Variants in ROBO2 observed in about 807,000 individuals in gnomAD.
The protein encoded by ROBO2 is roundabout homolog 2.
In ROBO2, 53 loss-of-function variants were observed where a neutral mutation model predicts 160.8. That is an observed-to-expected ratio of 0.33 (90% CI 0.26 to 0.41). The LOEUF is 0.41. Among genes scored for constraint, ROBO2 ranks in the 10% least tolerant of loss-of-function variants. The pLI is 1.00. For missense variants in ROBO2, 1,577 were observed against 1,722.4 expected (o/e 0.92, Z 1.49); for synonymous variants, 664 against 611.7 (o/e 1.09, Z -1.26).
chr3:77,191,463 A>C (rs534155504), intron 2 of ROBO2, among the ~76,000 whole-genome samples: 1 of 152,240 alleles, frequency 6.6e-6, no homozygotes, highest in South Asian at 2.1e-4. Flanking sequence ...AGGAACTGTG[A>C]TCTCTAGGGA....
chr3:76,990,976 G>A lies in ROBO2; in HGVS notation c.110-107038G>A, dbSNP rs148082737. ...ACGGAAGAATTAGGGGAGAAGGGTA[G>A]CAAGACCCCAGAAGCATGCCAACTT... On this transcript the variant is annotated intron_variant, in intron 2 of 26. Transcript: ENST00000487694. 4.6e-3 allele frequency among the ~76,000 whole-genome samples: 707 copies of A among 152,272 alleles called. 1 individual carries two copies. Among genetic ancestry groups the A allele is most frequent in the Middle Eastern group, 0.01 (3 of 294 alleles).
rs560751670 is a variant in ROBO2 at position 77,523,038 on chromosome 3, A to G, written c.934+136A>G. On this transcript the variant is annotated intron_variant, in intron 6 of 25. Transcript: ENST00000461745. ...AATGCCTAGATTTTGTGTCCTCTCT[A>G]TCATTAGTTGAAATAAAATTACTTT... 10 of 940,548 alleles carry G rather than the reference A, an allele frequency of 1.1e-5. No individual in the cohort carries two copies. The African/African-American group carries it at 1.6e-4, about 15-fold the overall frequency. 58.3% of individuals were successfully genotyped at this position (940,548 alleles called of 1,614,324 possible). A position where few individuals can be genotyped will look rare whatever the true frequency, so the allele number is the denominator to read the frequency against.
intron 2 of ROBO2, among the ~76,000 whole-genome samples, chr3:76,618,759 A>G (rs1168926604): frequency 2.0e-5 from 3 of 151,812 alleles, no homozygotes; most frequent in African/African-American, 4.9e-5. Context: ...ACGGATCCTG[A>G]TAAAAAGTGA....
chr3:76,184,569 A>ATAGG (rs1701654929), intron 2 of ROBO2, among the ~76,000 whole-genome samples: 1 of 147,850 alleles, frequency 6.8e-6, no homozygotes, highest in African/African-American at 2.5e-5. Context: ...AGATAGATAG[A>ATAGG]TAGATAGATA....
At chr3:77,331,398 C>T (rs2065947912) in intron 2 of ROBO2, among the ~76,000 whole-genome samples, 1 of 152,126 alleles carries the variant, frequency 6.6e-6, no homozygotes, top group African/African-American at 2.4e-5. Flanking sequence ...TTTGAGGACA[C>T]TTGCAGTGGG....
At chr3:76,600,961 G>A (rs905160443) in intron 2 of ROBO2, among the ~76,000 whole-genome samples, 7 of 152,124 alleles carry the variant, frequency 4.6e-5, no homozygotes, top group Admixed American at 2.0e-4. Flanking sequence ...GGGGGTTATG[G>A]GCATTGGATA....
chr3:76,053,131 T>C (rs1055488330), intron 2 of ROBO2, among the ~76,000 whole-genome samples: 5 of 152,016 alleles, frequency 3.3e-5, no homozygotes, highest in African/African-American at 1.2e-4. Context: ...ATAACAAAGA[T>C]GTTGACATTG....
chr3:77,319,801 ACCC>A (rs1560524631), intron 2 of ROBO2, among the ~76,000 whole-genome samples: 3 of 152,082 alleles, frequency 2.0e-5, no homozygotes, highest in Non-Finnish European at 4.4e-5. Context: ...GCTTCCATTC[ACCC>A]TTTCATATTT....
intron 2 of ROBO2, among the ~76,000 whole-genome samples, chr3:77,129,727 A>G (rs531265459): frequency 6.6e-6 from 1 of 152,290 alleles, no homozygotes; most frequent in East Asian, 1.9e-4. Context: ...TTTTTGGTGC[A>G]TCTCATCGAT....
At chr3:76,233,267 C>A (rs1408447026) in intron 2 of ROBO2, among the ~76,000 whole-genome samples, 1 of 152,064 alleles carries the variant, frequency 6.6e-6, no homozygotes, top group Non-Finnish European at 1.5e-5. Flanking sequence ...GCCTCACCTC[C>A]CAAGTAGCTG....
chr3:77,487,327 C>T (rs2085489354), intron 4 of ROBO2, among the ~76,000 whole-genome samples: 1 of 152,118 alleles, frequency 6.6e-6, no homozygotes, highest in African/African-American at 2.4e-5. Context: ...ATAGGCAGAG[C>T]CCCTGCTCTC....
chr3:77,244,604 G>T (rs1215072029), intron 2 of ROBO2, among the ~76,000 whole-genome samples: 3 of 152,120 alleles, frequency 2.0e-5, no homozygotes, highest in Non-Finnish European at 4.4e-5. Flanking sequence ...TTAAGGCCAG[G>T]CGCGGTGGCT....
At chr3:77,454,922 A>G (rs1319437115) in intron 2 of ROBO2, among the ~76,000 whole-genome samples, 2 of 152,204 alleles carry the variant, frequency 1.3e-5, no homozygotes, top group African/African-American at 2.4e-5. Flanking sequence ...ACACATTCCT[A>G]CAGCCAGGCT....
intron 2 of ROBO2, among the ~76,000 whole-genome samples, chr3:76,002,704 A>G (rs900907274): frequency 3.9e-5 from 6 of 152,152 alleles, no homozygotes; most frequent in Admixed American, 2.0e-4. Flanking sequence ...TGTCTTTATG[A>G]GCAGCAGGAG....
intron 2 of ROBO2, among the ~76,000 whole-genome samples, chr3:76,365,088 A>AT (rs1480569318): frequency 1.1e-4 from 16 of 152,008 alleles, no homozygotes; most frequent in Non-Finnish European, 1.9e-4. Context: ...CTTTATTCTA[A>AT]TTTTTTCAGA....
chr3:76,707,723 A>G (rs2093196867), intron 2 of ROBO2, among the ~76,000 whole-genome samples: 1 of 105,710 alleles, frequency 9.5e-6, no homozygotes, highest in Non-Finnish European at 1.8e-5. Context: ...ATTAGAATAC[A>G]TGTGTGTGTA....
chr3:77,376,365 A>G (rs1327306525), intron 2 of ROBO2, among the ~76,000 whole-genome samples: 1 of 151,574 alleles, frequency 6.6e-6, no homozygotes, highest in African/African-American at 2.4e-5. Flanking sequence ...ACCATGTTAG[A>G]CAATCTGGTC....
intron 2 of ROBO2, among the ~76,000 whole-genome samples, chr3:77,232,906 G>A (rs1412930811): frequency 6.6e-6 from 1 of 152,030 alleles, no homozygotes; most frequent in African/African-American, 2.4e-5. Context: ...AAATGTTTCT[G>A]GGTTTAAGCC....
At chr3:77,073,977 G>A (rs1392771042) in intron 1 of ROBO2, among the ~76,000 whole-genome samples, 1 of 152,168 alleles carries the variant, frequency 6.6e-6, no homozygotes, top group Admixed American at 6.5e-5. Context: ...TATTTAAAAT[G>A]AGCTATTTTG....
Sources: gnomAD v4.1 joint callset for allele counts (sites outside exome capture counted in the v4.1 genomes callset) on GRCh38, gnomAD v4.1.1 for gene constraint, MANE v1.5 for transcripts, NCBI Gene and HGNC (gene_info 2026-07-23, HGNC 2026-07-21) for gene names.